Variants in NOX3 observed in about 807,000 individuals in gnomAD.
NOX3 encodes NADPH oxidase 3.
Under a neutral mutation model 76.7 loss-of-function variants are expected in NOX3, and 74 were observed. The ratio of observed to expected loss-of-function variants is 0.96; its 90% CI spans 0.80 to 1.17. The LOEUF (loss-of-function observed/expected upper bound fraction) is 1.17, where lower values mean the gene tolerates loss of function less well. NOX3 is among the 50% of genes most tolerant of loss of function. The probability of loss-of-function intolerance (pLI) is 0.00; values close to 1 mark genes in which losing one functional copy is unlikely to be tolerated. For synonymous variants in NOX3, 263 were observed against 261.1 expected, an observed-to-expected ratio of 1.01 and a Z score of -0.07; for missense variants, 695 against 703.3, an observed-to-expected ratio of 0.99 and a Z score of 0.13.
chr6:155,421,730 A>G (rs1311390854), intron 10 of NOX3, among the ~76,000 whole-genome samples: 1 of 152,114 alleles, frequency 6.6e-6, no homozygotes, highest in Non-Finnish European at 1.5e-5. Context: ...CCTGGCCTCA[A>G]GTGATCCTCC....
Position 155,406,325 on chromosome 6 carries a change from A to G in NOX3, c.1580+805T>C, listed in dbSNP as rs565891233. Among the ~76,000 whole-genome samples, 6 of 152,362 alleles carry G rather than the reference A, an allele frequency of 3.9e-5. 1 individual carries two copies. Among genetic ancestry groups the G allele is most frequent in the African/African-American group, 1.4e-4 (6 of 41,584 alleles). On this transcript the variant is annotated intron_variant, in intron 12 of 13. Transcript: ENST00000159060. The stretch of plus-strand genomic sequence containing the variant: ...TTTTTCAATGGGGTGCGAAAGCTCA[A>G]ATAAGCTGCCTCTTCCAAGGTCACA...
chr6:155,437,519 G>A (rs1054479406), intron 6 of NOX3, among the ~76,000 whole-genome samples: 2 of 152,126 alleles, frequency 1.3e-5, no homozygotes, highest in Non-Finnish European at 2.9e-5. Context: ...CTGACATCTT[G>A]GCTTTTGTCC....
intron 4 of NOX3, among the ~76,000 whole-genome samples, chr6:155,453,170 A>T (rs1412531871): frequency 6.6e-6 from 1 of 152,234 alleles, no homozygotes; most frequent in Non-Finnish European, 1.5e-5. Context: ...ACTATTCGCA[A>T]ATGAAGTTTC....
At position 155,407,157 on chromosome 6, in the gene NOX3, A is replaced by G. The variant is rs1221667614; in HGVS notation, c.1553T>C (p.Phe518Ser). Residue 518 changes from phenylalanine to serine, a missense_variant, in exon 12 of 14, where the codon TTC becomes TCC. By Grantham distance (155) the Phe-to-Ser change is radical (BLOSUM62 -2). Coordinates refer to ENST00000159060, the MANE Select transcript of NOX3 (RefSeq NM_015718.3). ...GGGGTGATTGTAGGCAATCTGCTTG[A>G]ACTCATTGTTCCAGTTGGGCCTCCC... is the stretch of plus-strand genomic sequence containing the variant. Reference protein sequence around the residue: ...FYGRPNWNNEFKQIAYNHPSS... With the variant: ...FYGRPNWNNESKQIAYNHPSS... The G allele has an allele frequency of 1.9e-6, 3 of 1,613,974 alleles. No homozygotes were observed. The African/African-American group carries it at 4.0e-5, about 22-fold the overall frequency.
chr6:155,427,725 G>A (rs958982265), intron 9 of NOX3, among the ~76,000 whole-genome samples: 4 of 151,906 alleles, frequency 2.6e-5, no homozygotes, highest in African/African-American at 9.7e-5. Flanking sequence ...ATTTTTTTTG[G>A]TGTCCCTGTT....
chr6:155,397,304 A>G (rs1779152606), intron 12 of NOX3, among the ~76,000 whole-genome samples: 2 of 152,132 alleles, frequency 1.3e-5, no homozygotes, highest in African/African-American at 4.8e-5. Context: ...CATACAGTCC[A>G]TAGAGCCTAA....
At chr6:155,412,092 C>T (rs1455082396) in intron 10 of NOX3, among the ~76,000 whole-genome samples, 1 of 152,164 alleles carries the variant, frequency 6.6e-6, no homozygotes, top group East Asian at 1.9e-4. Context: ...GAAGAAACCA[C>T]AGGAGATAAA....
At chr6:155,453,318 G>T in intron 4 of NOX3, 86 bp downstream of exon 4, 1 of 1,023,058 alleles carries the variant, frequency 9.8e-7, no homozygotes, top group Non-Finnish European at 1.6e-6. Context: ...CTGAGGGTGA[G>T]ACTTGGGGAA....
At chr6:155,415,600 A>G (rs952965278) in intron 10 of NOX3, among the ~76,000 whole-genome samples, 6 of 152,230 alleles carry the variant, frequency 3.9e-5, no homozygotes, top group African/African-American at 1.4e-4. Context: ...TTGTGAGCCT[A>G]TGAAGCCCAT....
intron 10 of NOX3, among the ~76,000 whole-genome samples, chr6:155,418,493 A>G (rs1776648509): frequency 6.6e-6 from 1 of 151,680 alleles, no homozygotes; most frequent in Non-Finnish European, 1.5e-5. Context: ...ACTTTTTTCC[A>G]TTTTCATCAC....
rs76969332 is a variant in NOX3 at position 155,398,627 on chromosome 6, T to C, written c.1581-1665A>G. Among the ~76,000 whole-genome samples the C allele has an allele frequency of 5.4e-3, 817 of 152,322 alleles. 3 individuals are homozygous for C. Among genetic ancestry groups the C allele is most frequent in the Non-Finnish European group, 9.4e-3 (638 of 68,022 alleles). ...AAAGAAATCATTCCCATGGCTAAAT[T>C]TGAGAAAGTAATTTTTCAGAAAATA... On this transcript the variant is annotated intron_variant, in intron 12 of 13. Coordinates refer to ENST00000159060, the MANE Select transcript of NOX3 (RefSeq NM_015718.3).
intron 9 of NOX3, among the ~76,000 whole-genome samples, chr6:155,427,962 G>A (rs958927694): frequency 1.3e-5 from 2 of 151,990 alleles, no homozygotes; most frequent in African/African-American, 4.8e-5. Flanking sequence ...GTGCAGTGGC[G>A]CGATCTCGGC....
Position 155,430,851 on chromosome 6 carries a change from T to C in NOX3, c.883A>G (p.Ile295Val). Residue 295 changes from isoleucine (I) to valine (V), a missense_variant, in exon 8 of 14, where the codon ATT becomes GTT. By Grantham distance (29) the Ile-to-Val change is conservative (BLOSUM62 3). Coordinates refer to ENST00000159060, the MANE Select transcript of NOX3 (RefSeq NM_015718.3). ...RFWRFQQEVV[I>V]TKVVSHPSGV... ...TAAAGCTACATGCATACCTTGGTAATGACAACTTCTTGTTGAAATCGCCAG... is the reference window on the plus strand; with the variant it reads ...TAAAGCTACATGCATACCTTGGTAACGACAACTTCTTGTTGAAATCGCCAG... The C allele has an allele frequency of 6.2e-7, 1 of 1,610,068 alleles. No individual in the cohort carries two copies. Among genetic ancestry groups the C allele is most frequent in the Non-Finnish European group, 8.5e-7 (1 of 1,176,580 alleles).
chr6:155,447,109 G>T lies in NOX3; in HGVS notation c.341-3691C>A, dbSNP rs949481829. 2.7e-5 allele frequency among the ~76,000 whole-genome samples: 4 copies of T among 150,726 alleles called. No individual in the cohort carries two copies. The South Asian group carries it at 8.4e-4, about 32-fold the overall frequency. On this transcript the variant is annotated intron_variant, in intron 4 of 13. Transcript: ENST00000159060. ...CACCCAGGCCAGAGTGCAATGGCGC[G>T]ATCTCAGCTAACTGCAAACTCTGCC...
Position 155,449,610 on chromosome 6 carries a change from A to G in NOX3, c.340+3794T>C, listed in dbSNP as rs1484937091. Reference sequence around the variant, plus strand: ...TGCATTTTCCGTGATGTCCTTGATTACAGATACCATTGTTTTGCCTCTTCC... The same window carrying G: ...TGCATTTTCCGTGATGTCCTTGATTGCAGATACCATTGTTTTGCCTCTTCC... On this transcript the variant is annotated intron_variant, in intron 4 of 13. Transcript: ENST00000159060. 2.6e-5 allele frequency among the ~76,000 whole-genome samples: 4 copies of G among 152,290 alleles called. 1 individual carries two copies. Among genetic ancestry groups the G allele is most frequent in the Admixed American group, 2.6e-4 (4 of 15,302 alleles).
chr6:155,425,856 A>G (rs559824632), intron 9 of NOX3, among the ~76,000 whole-genome samples: 1 of 152,306 alleles, frequency 6.6e-6, no homozygotes, highest in South Asian at 2.1e-4. Context: ...GTTTTCCTTC[A>G]GAAGGTCTAG....
At chr6:155,424,611 C>A (rs1427754225) in intron 9 of NOX3, among the ~76,000 whole-genome samples, 1 of 152,158 alleles carries the variant, frequency 6.6e-6, no homozygotes, top group Non-Finnish European at 1.5e-5. Flanking sequence ...ATATGCCAGA[C>A]TTCCTAATAA....
chr6:155,452,139 A>G lies in NOX3; in HGVS notation c.340+1265T>C, dbSNP rs565438817. ...AATTGCTTCTGTGATGAGCCTATCA[A>G]GGAGCGATCTGGTCTCTGTTTGGAC... On this transcript the variant is annotated intron_variant, in intron 4 of 13. Coordinates refer to ENST00000159060, the MANE Select transcript of NOX3 (RefSeq NM_015718.3). Among the ~76,000 whole-genome samples the G allele has an allele frequency of 2.0e-5, 3 of 152,360 alleles. No individual in the cohort carries two copies. The South Asian group carries it at 6.2e-4, about 32-fold the overall frequency.
chr6:155,443,717 C>A (rs186531006), intron 4 of NOX3, among the ~76,000 whole-genome samples: 110 of 151,962 alleles, frequency 7.2e-4, no homozygotes, highest in African/African-American at 2.6e-3. Flanking sequence ...GATATCTCAG[C>A]ATAATTATAT....
Sources: gnomAD v4.1 joint callset for allele counts (sites outside exome capture counted in the v4.1 genomes callset) on GRCh38, gnomAD v4.1.1 for gene constraint, MANE v1.5 for transcripts, NCBI Gene and HGNC (gene_info 2026-07-23, HGNC 2026-07-21) for gene names.